The following PPP3R1 variants were observed in gnomAD, a reference collection of about 807,000 sequenced individuals.
The protein encoded by PPP3R1 is calcineurin subunit B type 1.
PPP3R1 carries 5 observed loss-of-function variants against 22.6 expected under a neutral mutation model. The ratio of observed to expected loss-of-function variants is 0.22; its 90% CI spans 0.12 to 0.46. The LOEUF (loss-of-function observed/expected upper bound fraction) is 0.46, where lower values mean the gene tolerates loss of function less well. PPP3R1 is among the 20% of genes least tolerant of loss of function. The pLI is 0.99. For synonymous variants in PPP3R1, 56 were observed against 65.2 expected (o/e 0.86, Z 0.68); for missense variants, 61 against 203.2 (o/e 0.30, Z 4.25).
At chr2:68,185,848 CAT>C (rs1355299610) in intron 5 of PPP3R1, among the ~76,000 whole-genome samples, 1 of 152,160 alleles carries the variant, frequency 6.6e-6, no homozygotes, top group African/African-American at 2.4e-5. Flanking sequence ...TTTTTGAAAA[CAT>C]AATAAAAAGA....
Position 68,251,984 on chromosome 2 carries a change from G to A in PPP3R1, c.3+141C>T, listed in dbSNP as rs965601398. The A allele has an allele frequency of 3.4e-4, 300 of 871,594 alleles. 1 individual carries two copies. In the African/African-American group the frequency reaches 5.1e-3, roughly 15 times the overall value. The allele number at this position is 871,594 out of a possible 1,614,324, so 54.0% of individuals were successfully genotyped here. A position where few individuals can be genotyped will look rare whatever the true frequency, so the allele number is the denominator to read the frequency against. Reference sequence around the variant, plus strand: ...CGCCCTCTCCGGCTCGCCCGCAACCGCCGCGGGACCCGCCGGGCCCGGGTC... The same window carrying A: ...CGCCCTCTCCGGCTCGCCCGCAACCACCGCGGGACCCGCCGGGCCCGGGTC... On this transcript the variant is annotated intron_variant, in intron 1 of 5. Coordinates refer to ENST00000234310, the MANE Select transcript of PPP3R1 (RefSeq NM_000945.4).
intron 1 of PPP3R1, among the ~76,000 whole-genome samples, chr2:68,230,196 T>C (rs1220003779): frequency 2.0e-5 from 3 of 152,156 alleles, no homozygotes; most frequent in African/African-American, 7.2e-5. Context: ...TTTCACCATG[T>C]TGCCCAGGCT....
At chr2:68,202,585 C>T (rs566022816) in intron 2 of PPP3R1, among the ~76,000 whole-genome samples, 3 of 151,886 alleles carry the variant, frequency 2.0e-5, no homozygotes, top group South Asian at 4.2e-4. Context: ...CAACCATGCC[C>T]GGCTAATTTT....
intron 1 of PPP3R1, among the ~76,000 whole-genome samples, chr2:68,220,385 G>A (rs1228744347): frequency 6.6e-6 from 1 of 152,194 alleles, no homozygotes; most frequent in Non-Finnish European, 1.5e-5. Flanking sequence ...AAAAGAACTA[G>A]TAGCAGGTTG....
intron 2 of PPP3R1, among the ~76,000 whole-genome samples, chr2:68,216,188 T>C (rs925802192): frequency 6.6e-6 from 1 of 151,966 alleles, no homozygotes; most frequent in African/African-American, 2.4e-5. Context: ...AAGCTAAGTC[T>C]TAAAAACAAA....
chr2:68,212,056 T>G (rs948211336), intron 2 of PPP3R1, among the ~76,000 whole-genome samples: 2 of 152,168 alleles, frequency 1.3e-5, no homozygotes, highest in Non-Finnish European at 2.9e-5. Flanking sequence ...TAATGGCAAA[T>G]CTATAATAGT....
chr2:68,207,788 G>A (rs951548000), intron 2 of PPP3R1, among the ~76,000 whole-genome samples: 9 of 152,156 alleles, frequency 5.9e-5, no homozygotes, highest in South Asian at 4.1e-4. Flanking sequence ...AATAATTCAC[G>A]TCACATGCTC....
At chr2:68,231,733 TAAAG>T (rs1010381380) in intron 1 of PPP3R1, among the ~76,000 whole-genome samples, 8 of 152,142 alleles carry the variant, frequency 5.3e-5, no homozygotes, top group Non-Finnish European at 1.2e-4. Flanking sequence ...TACACAGTAA[TAAAG>T]AAAACAACTT....
rs1674348333 is a variant in PPP3R1 at position 68,179,013 on chromosome 2, A to AAAG, written c.*1949_*1950insCTT. The AAAG allele has an allele frequency of 7.0e-6, 1 of 143,510 alleles. No homozygotes were observed. The highest frequency in any genetic ancestry group is 1.5e-5 in the Non-Finnish European group (1 of 67,460). 8.9% of individuals were successfully genotyped at this position (143,510 alleles called of 1,614,324 possible). A position where few individuals can be genotyped will look rare whatever the true frequency, so the allele number is the denominator to read the frequency against. On this transcript the variant is annotated 3_prime_UTR_variant, in exon 6 of 6. Transcript: ENST00000234310. ...CACAAACTAAAAAAAAAAAAAAAAA[A>AAAG]AAAGAAAAAGAAAAAACCCTCATTC... is the stretch of plus-strand genomic sequence containing the variant.
intron 2 of PPP3R1, among the ~76,000 whole-genome samples, chr2:68,200,663 T>C (rs1405080984): frequency 6.6e-6 from 1 of 152,216 alleles, no homozygotes; most frequent in African/African-American, 2.4e-5. Context: ...TCTAATTTCT[T>C]TTCCTATGTT....
chr2:68,213,422 T>C (rs573540209), intron 2 of PPP3R1, among the ~76,000 whole-genome samples: 26 of 152,206 alleles, frequency 1.7e-4, no homozygotes, highest in Non-Finnish European at 3.2e-4. Context: ...GTTGTGGGAA[T>C]GGCCAGTCAG....
At chr2:68,212,232 C>G (rs1485662454) in intron 2 of PPP3R1, among the ~76,000 whole-genome samples, 1 of 152,150 alleles carries the variant, frequency 6.6e-6, no homozygotes, top group African/African-American at 2.4e-5. Context: ...AGGCATGTGC[C>G]AGCATGCCTG....
chr2:68,232,223 A>ATATG (rs1669926738), intron 1 of PPP3R1, among the ~76,000 whole-genome samples: 2 of 45,760 alleles, frequency 4.4e-5, no homozygotes, highest in Non-Finnish European at 7.7e-5. Context: ...ATATGTATAT[A>ATATG]TGTGTGTGTG....
Position 68,192,904 on chromosome 2 carries a change from A to T in PPP3R1, c.44-4214T>A, listed in dbSNP as rs192820931. 1.3e-3 allele frequency among the ~76,000 whole-genome samples: 197 copies of T among 152,132 alleles called. 5 individuals are homozygous for T. Among genetic ancestry groups the T allele is most frequent in the Admixed American group, 0.013 (197 of 15,270 alleles). On this transcript the variant is annotated intron_variant, in intron 2 of 5. Transcript: ENST00000234310. ...ATCTCTGCTAAAGTATAGATTTTATACCTCCATTTCCTTATAAACCTCCTG... is the reference window on the plus strand; with the variant it reads ...ATCTCTGCTAAAGTATAGATTTTATTCCTCCATTTCCTTATAAACCTCCTG...
intron 5 of PPP3R1, among the ~76,000 whole-genome samples, chr2:68,182,212 T>G (rs1674425943): frequency 6.6e-6 from 1 of 152,132 alleles, no homozygotes; most frequent in Non-Finnish European, 1.5e-5. Flanking sequence ...TATGTGTATT[T>G]GTTATCTGTA....
chr2:68,179,009 A>AAAAAAAAAAG lies in PPP3R1; in HGVS notation c.*1953_*1954insCTTTTTTTTT, dbSNP rs1553403013. 2 of 122,528 alleles carry AAAAAAAAAAG rather than the reference A, an allele frequency of 1.6e-5. No homozygotes were observed. Among genetic ancestry groups the AAAAAAAAAAG allele is most frequent in the African/African-American group, 3.2e-5 (1 of 31,230 alleles). 7.6% of individuals were successfully genotyped at this position (122,528 alleles called of 1,614,324 possible). ...CACACACAAACTAAAAAAAAAAAAA[A>AAAAAAAAAAG]AAAAAAAGAAAAAGAAAAAACCCTC... On this transcript the variant is annotated 3_prime_UTR_variant, in exon 6 of 6. Coordinates refer to ENST00000234310, the MANE Select transcript of PPP3R1 (RefSeq NM_000945.4).
intron 1 of PPP3R1, among the ~76,000 whole-genome samples, chr2:68,230,852 G>A (rs935616175): frequency 6.6e-6 from 1 of 152,126 alleles, no homozygotes; most frequent in African/African-American, 2.4e-5. Context: ...TTAGAAACCT[G>A]CTATCATTTG....
intron 2 of PPP3R1, among the ~76,000 whole-genome samples, chr2:68,209,965 T>G (rs1669445348): frequency 6.6e-6 from 1 of 151,986 alleles, no homozygotes; most frequent in Non-Finnish European, 1.5e-5. Context: ...AATTGACAAG[T>G]GTTTTGGGGG....
rs1374386726 is a variant in PPP3R1, at chr2:68,198,091, C to CAT, written c.44-9403_44-9402dup. On this transcript the variant is annotated intron_variant, in intron 2 of 5. Transcript: ENST00000234310. ...AAAAAAAAAAAAAAAAAAAAAAAAG[C>CAT]ATATATATGTAAACATATATATGTA... Among the ~76,000 whole-genome samples the CAT allele has an allele frequency of 4.9e-3, 246 of 49,834 alleles. 2 individuals are homozygous for CAT. Among genetic ancestry groups the CAT allele is most frequent in the African/African-American group, 0.019 (237 of 12,382 alleles). The allele number at this position is 49,834 out of a possible 152,430, so 32.7% of individuals were successfully genotyped here. A position where few individuals can be genotyped will look rare whatever the true frequency, so the allele number is the denominator to read the frequency against.
Sources: allele counts gnomAD v4.1 joint callset (sites outside exome capture counted in the v4.1 genomes callset), GRCh38; gene constraint gnomAD v4.1.1; transcripts MANE v1.5; gene names NCBI Gene and HGNC (gene_info 2026-07-23, HGNC 2026-07-21).